Variants in TSNARE1 observed in about 807,000 individuals in gnomAD.
TSNARE1 encodes the protein t-SNARE domain containing 1, also known as t-SNARE domain-containing protein 1.
TSNARE1 carries 49 observed loss-of-function variants against 62.0 expected under a neutral mutation model. The ratio of observed to expected loss-of-function variants is 0.79; its 90% CI spans 0.63 to 1.00. The LOEUF is 1.00. Among genes scored for constraint, TSNARE1 ranks in the 50% least tolerant of loss-of-function variants. The probability of loss-of-function intolerance (pLI) is 0.00; values close to 1 mark genes in which losing one functional copy is unlikely to be tolerated. For missense variants in TSNARE1, 755 were observed against 700.1 expected, an observed-to-expected ratio of 1.08 and a Z score of -0.88; for synonymous variants, 328 against 294.4, an observed-to-expected ratio of 1.11 and a Z score of -1.17.
chr8:142,345,479 G>T (rs1343565910), intron 3 of TSNARE1, among the ~76,000 whole-genome samples: 1 of 152,206 alleles, frequency 6.6e-6, no homozygotes, highest in African/African-American at 2.4e-5. Context: ...GCCCCCAGCG[G>T]GAGCACCCCT....
At position 142,351,217 on chromosome 8, in the gene TSNARE1, T is replaced by G. The variant is rs1834057627; in HGVS notation, c.88+3420A>C. Among the ~76,000 whole-genome samples the G allele has an allele frequency of 2.0e-5, 3 of 152,214 alleles. No homozygotes were observed. In the South Asian group the frequency reaches 6.2e-4, roughly 32 times the overall value. ...GGCTGTGACGCGTCTGAGTCTACTT[T>G]GATGTGTTTGAAAGTTTCCACATTT... On this transcript the variant is annotated intron_variant, in intron 2 of 13. Coordinates refer to ENST00000524325, the MANE Select transcript of TSNARE1 (RefSeq NM_145003.5).
Position 142,284,503 on chromosome 8 carries a change from A to G in TSNARE1, c.1291-18T>C. On this transcript the variant is annotated intron_variant, in intron 10 of 13. Transcript: ENST00000524325. ...AAGTTGCTCTGTGGAAACAACATAG[A>G]ACCACATCAGGAGCAGGGCTGTGGG... is the stretch of plus-strand genomic sequence containing the variant. The G allele has an allele frequency of 6.2e-7, 1 of 1,610,172 alleles. No homozygotes were observed. The highest frequency in any genetic ancestry group is 1.3e-5 in the African/African-American group (1 of 74,944).
chr8:142,233,882 A>G (rs1364852903), intron 12 of TSNARE1, among the ~76,000 whole-genome samples: 2 of 152,090 alleles, frequency 1.3e-5, no homozygotes, highest in Non-Finnish European at 2.9e-5. Context: ...GCCTGTACAG[A>G]ACCAGCCACT....
intron 10 of TSNARE1, among the ~76,000 whole-genome samples, chr8:142,297,583 G>C (rs1203619322): frequency 7.2e-5 from 11 of 152,190 alleles, no homozygotes; most frequent in Admixed American, 4.6e-4. Flanking sequence ...GGCTCCACAG[G>C]AAAGGGCTAC....
chr8:142,300,412 G>C, intron 10 of TSNARE1, 74 bp downstream of exon 10: 1 of 1,502,386 alleles, frequency 6.7e-7, no homozygotes, highest in Admixed American at 1.9e-5. Flanking sequence ...CAGCAGGCTG[G>C]CACCTGGGCT....
At chr8:142,373,422 G>A (rs1262226418) in intron 1 of TSNARE1, among the ~76,000 whole-genome samples, 4 of 152,174 alleles carry the variant, frequency 2.6e-5, no homozygotes, top group Non-Finnish European at 5.9e-5. Flanking sequence ...GCAGCGGGAT[G>A]GCAGGGCCAA....
chr8:142,321,871 C>T (rs1427800994), intron 6 of TSNARE1, among the ~76,000 whole-genome samples: 1 of 152,038 alleles, frequency 6.6e-6, no homozygotes, highest in East Asian at 1.9e-4. Flanking sequence ...TCATGCAATC[C>T]CCTAGAAAAC....
chr8:142,330,309 G>A lies in TSNARE1; in HGVS notation c.893+592C>T, dbSNP rs1830829476. On this transcript the variant is annotated intron_variant, in intron 6 of 13. Transcript: ENST00000524325. ...TTCCCCCCGCTCCCCAGCCCAGCCA[G>A]GGCTCAGACTTAGCAGACAGCACCC... Among the ~76,000 whole-genome samples the A allele has an allele frequency of 2.0e-5, 3 of 152,184 alleles. No individual in the cohort carries two copies. The East Asian group carries it at 5.8e-4, about 29-fold the overall frequency.
Position 142,344,114 on chromosome 8 carries a change from C to T in TSNARE1, c.597G>A (p.Leu199=), listed in dbSNP as rs761506210. Residue 199 remains leucine, a synonymous_variant, in exon 4 of 14, where the codon CTG becomes CTA. Transcript: ENST00000524325. ...RDLRAVVRRK[L]GDLRKAAHGP... is the part of the protein sequence containing the mutation. ...CATGGGCCGCCTTCCGGAGGTCGCC[C>T]AGCTTGCGCCGCACGACGGCTCGTA... 4 of 1,611,568 alleles carry T rather than the reference C, an allele frequency of 2.5e-6. No homozygotes were observed. The highest frequency in any genetic ancestry group is 2.5e-6 in the Non-Finnish European group (3 of 1,178,904).
At chr8:142,382,775 G>A (rs1182555916) in intron 1 of TSNARE1, among the ~76,000 whole-genome samples, 1 of 152,252 alleles carries the variant, frequency 6.6e-6, no homozygotes, top group Non-Finnish European at 1.5e-5. Flanking sequence ...CCTGCCTAGG[G>A]CCAGTGGCCG....
At chr8:142,394,234 G>A (rs970298813) in intron 1 of TSNARE1, among the ~76,000 whole-genome samples, 9 of 152,210 alleles carry the variant, frequency 5.9e-5, no homozygotes, top group African/African-American at 1.9e-4. Context: ...GGGCAGATAC[G>A]CAGAAAGACG....
At chr8:142,357,627 G>A (rs1834849843) in intron 1 of TSNARE1, among the ~76,000 whole-genome samples, 1 of 152,212 alleles carries the variant, frequency 6.6e-6, no homozygotes, top group Non-Finnish European at 1.5e-5. Flanking sequence ...TGGCCCAGAA[G>A]GCACACGGAC....
chr8:142,277,285 A>G (rs1820655756), intron 11 of TSNARE1: 1 of 985,180 alleles, frequency 1.0e-6, no homozygotes, highest in African/African-American at 1.7e-5. Context: ...GGGGCCAGAG[A>G]GAGCAGCCTT....
chr8:142,237,065 T>TC (rs11423620), intron 12 of TSNARE1, among the ~76,000 whole-genome samples: 152,192 of 152,194 alleles, frequency 1, 76,095 homozygotes, highest in Middle Eastern at 1. Context: ...GGCCTGAGGT[T>TC]CCAGAACGGC....
chr8:142,384,322 T>C (rs1253861769), intron 1 of TSNARE1, among the ~76,000 whole-genome samples: 1 of 152,108 alleles, frequency 6.6e-6, no homozygotes, highest in Non-Finnish European at 1.5e-5. Flanking sequence ...TACAAGAAGC[T>C]GGCCCAGAAA....
At chr8:142,270,739 C>T in intron 12 of TSNARE1, 2 of 985,436 alleles carry the variant, frequency 2.0e-6, no homozygotes, top group Non-Finnish European at 2.4e-6. Flanking sequence ...GCATCTTCCC[C>T]ACCTCCCCTG....
intron 13 of TSNARE1, among the ~76,000 whole-genome samples, chr8:142,217,848 GA>G (rs1815964460): frequency 6.7e-6 from 1 of 148,654 alleles, no homozygotes; most frequent in Non-Finnish European, 1.5e-5. Context: ...CTCAGTGTGT[GA>G]GCAGGATCAG....
intron 1 of TSNARE1, among the ~76,000 whole-genome samples, chr8:142,361,000 C>A (rs992206441): frequency 6.6e-6 from 1 of 152,168 alleles, no homozygotes; most frequent in Non-Finnish European, 1.5e-5. Context: ...CAGATGGGAA[C>A]AGCGTTCCCC....
At chr8:142,337,756 G>A (rs879602110) in intron 4 of TSNARE1, among the ~76,000 whole-genome samples, 27 of 152,212 alleles carry the variant, frequency 1.8e-4, no homozygotes, top group Admixed American at 3.9e-4. Flanking sequence ...TTCCAGCCCC[G>A]ACTGGGCCAA....
Sources: allele counts gnomAD v4.1 joint callset (sites outside exome capture counted in the v4.1 genomes callset), GRCh38; gene constraint gnomAD v4.1.1; transcripts MANE v1.5; gene names NCBI Gene and HGNC (gene_info 2026-07-23, HGNC 2026-07-21).